CTNNA3: variants seen among roughly 807,000 people sequenced by gnomAD.
CTNNA3 encodes the protein catenin alpha-3.
CTNNA3 carries 76 observed loss-of-function variants against 95.7 expected under a neutral mutation model. The observed-to-expected ratio is 0.79, with a 90% CI of 0.66 to 0.96. CTNNA3 has a LOEUF of 0.96. Ranked by LOEUF, CTNNA3 falls within the 40% of genes least tolerant of loss-of-function variation. The pLI, the probability that CTNNA3 is intolerant of heterozygous loss-of-function variation, is 0.00. For synonymous variants in CTNNA3, 431 were observed against 374.4 expected (o/e 1.15, Z -1.74); for missense variants, 1,191 against 1,089.8 (o/e 1.09, Z -1.31).
chr10:67,607,186 G>T (rs1332727541), intron 2 of CTNNA3, 137 bp from the exon 3 acceptor site: 3 of 614,844 alleles, frequency 4.9e-6, no homozygotes, highest in Non-Finnish European at 8.3e-6. Flanking sequence ...AACCCACCGT[G>T]CAGTTGAAAA....
chr10:67,442,353 C>A (rs1846553518), intron 5 of CTNNA3, among the ~76,000 whole-genome samples: 1 of 152,006 alleles, frequency 6.6e-6, no homozygotes, highest in Non-Finnish European at 1.5e-5. Flanking sequence ...TAAGTCCTTA[C>A]TTATCAATAA....
At chr10:66,309,010 AC>A (rs2132251905) in intron 12 of CTNNA3, among the ~76,000 whole-genome samples, 1 of 152,302 alleles carries the variant, frequency 6.6e-6, no homozygotes, top group African/African-American at 2.4e-5. Flanking sequence ...CATTTCTTCT[AC>A]TTGGCCCATA....
At chr10:67,106,357 T>A (rs760135502) in intron 7 of CTNNA3, among the ~76,000 whole-genome samples, 1 of 152,232 alleles carries the variant, frequency 6.6e-6, no homozygotes, top group African/African-American at 2.4e-5. Flanking sequence ...AAAACATGGT[T>A]TTGTTGTCAT....
At chr10:66,967,431 T>G (rs1439706529) in intron 7 of CTNNA3, among the ~76,000 whole-genome samples, 1 of 151,836 alleles carries the variant, frequency 6.6e-6, no homozygotes, top group Non-Finnish European at 1.5e-5. Flanking sequence ...TATATACACA[T>G]AGCATGCATA....
At chr10:67,405,917 T>C (rs1845123135) in intron 5 of CTNNA3, among the ~76,000 whole-genome samples, 1 of 152,094 alleles carries the variant, frequency 6.6e-6, no homozygotes, top group African/African-American at 2.4e-5. Flanking sequence ...ACCCACATAA[T>C]ATGGTTTGGC....
At chr10:67,620,953 A>ATATATG (rs1375896412) in intron 2 of CTNNA3, among the ~76,000 whole-genome samples, 8 of 146,626 alleles carry the variant, frequency 5.5e-5, no homozygotes, top group Non-Finnish European at 1.0e-4. Context: ...ATATATATAC[A>ATATATG]GAAATGTGGA....
chr10:67,493,677 C>T (rs2133084989), intron 5 of CTNNA3, among the ~76,000 whole-genome samples: 1 of 151,880 alleles, frequency 6.6e-6, no homozygotes, highest in Middle Eastern at 3.4e-3. Flanking sequence ...GCATCTGATA[C>T]TTAATGGAAA....
intron 7 of CTNNA3, among the ~76,000 whole-genome samples, chr10:66,814,245 T>A (rs1453104333): frequency 1.5e-5 from 2 of 131,450 alleles, no homozygotes; most frequent in Admixed American, 1.7e-4. Context: ...CCCAGAAGAA[T>A]GTTTAAAGTA....
At chr10:66,245,625 A>G (rs1015559784) in intron 13 of CTNNA3, among the ~76,000 whole-genome samples, 27 of 152,276 alleles carry the variant, frequency 1.8e-4, no homozygotes, top group African/African-American at 6.5e-4. Flanking sequence ...ATGAGTGTTC[A>G]GCTCCGAGCA....
chr10:66,772,439 A>G (rs1840128484), intron 8 of CTNNA3, among the ~76,000 whole-genome samples: 1 of 109,648 alleles, frequency 9.1e-6, no homozygotes, highest in African/African-American at 3.9e-5. Flanking sequence ...AAAAAAAAAA[A>G]AAAGAGAGAG....
intron 5 of CTNNA3, among the ~76,000 whole-genome samples, chr10:67,242,559 C>G (rs1865755953): frequency 6.6e-6 from 1 of 152,120 alleles, no homozygotes; most frequent in African/African-American, 2.4e-5. Context: ...GTATCTGCCC[C>G]GATTTAAACA....
intron 10 of CTNNA3, among the ~76,000 whole-genome samples, chr10:66,590,564 A>G (rs370773087): frequency 6.6e-6 from 1 of 152,074 alleles, no homozygotes; most frequent in East Asian, 1.9e-4. Flanking sequence ...AATATACAAC[A>G]ATGAGAAAAA....
chr10:65,934,976 T>C (rs2077312756), intron 17 of CTNNA3, among the ~76,000 whole-genome samples: 1 of 151,738 alleles, frequency 6.6e-6, no homozygotes, highest in Admixed American at 6.6e-5. Context: ...GAGTGAGGAG[T>C]CAGCCAAGCA....
chr10:66,427,337 A>G (rs560489156), intron 11 of CTNNA3, among the ~76,000 whole-genome samples: 1 of 151,688 alleles, frequency 6.6e-6, no homozygotes, highest in South Asian at 2.1e-4. Flanking sequence ...GTATTTCTAT[A>G]TGGACTCACA....
chr10:67,542,059 T>C (rs902484272), intron 3 of CTNNA3, among the ~76,000 whole-genome samples: 1 of 152,144 alleles, frequency 6.6e-6, no homozygotes, highest in African/African-American at 2.4e-5. Context: ...ATTCTTGTCT[T>C]TGTTAAAGGA....
chr10:67,424,357 C>A (rs1428071939), intron 5 of CTNNA3, among the ~76,000 whole-genome samples: 1 of 152,080 alleles, frequency 6.6e-6, no homozygotes, highest in Non-Finnish European at 1.5e-5. Flanking sequence ...CCAGATATGA[C>A]AGAAACTGCT....
At chr10:67,341,571 C>T (rs1163977304) in intron 5 of CTNNA3, among the ~76,000 whole-genome samples, 1 of 151,770 alleles carries the variant, frequency 6.6e-6, no homozygotes. Flanking sequence ...GTATATGTAC[C>T]ACATTTTCTT....
At chr10:66,223,426 CT>C (rs1302815273) in intron 13 of CTNNA3, among the ~76,000 whole-genome samples, 1 of 152,096 alleles carries the variant, frequency 6.6e-6, no homozygotes, top group African/African-American at 2.4e-5. Flanking sequence ...TCATGTGTTT[CT>C]TTTTCTACTA....
At chr10:66,830,085 G>T (rs1842663333) in intron 7 of CTNNA3, among the ~76,000 whole-genome samples, 1 of 152,142 alleles carries the variant, frequency 6.6e-6, no homozygotes, top group Non-Finnish European at 1.5e-5. Flanking sequence ...CACTCTATGT[G>T]TTAACCTCAT....
Sources: allele counts gnomAD v4.1 joint callset (sites outside exome capture counted in the v4.1 genomes callset), GRCh38; gene constraint gnomAD v4.1.1; transcripts MANE v1.5; gene names NCBI Gene and HGNC (gene_info 2026-07-23, HGNC 2026-07-21).